Variants in FAM81A observed in about 807,000 individuals in gnomAD.
FAM81A encodes the protein family with sequence similarity 81 member A.
FAM81A carries 19 observed loss-of-function variants against 46.7 expected under a neutral mutation model. The observed-to-expected ratio is 0.41, with a 90% CI of 0.28 to 0.60. FAM81A has a LOEUF of 0.60. Among genes scored for constraint, FAM81A ranks in the 20% least tolerant of loss-of-function variants. FAM81A has a pLI of 0.34. For missense variants in FAM81A, 377 were observed against 453.5 expected, an observed-to-expected ratio of 0.83 and a Z score of 1.53; for synonymous variants, 183 against 152.9, an observed-to-expected ratio of 1.20 and a Z score of -1.45.
chr15:59,409,766 C>CT (rs1400862732), intron 2 of FAM81A, among the ~76,000 whole-genome samples: 1 of 152,122 alleles, frequency 6.6e-6, no homozygotes, highest in African/African-American at 2.4e-5. Context: ...GTTTTATCTG[C>CT]TTTTTTTCTC....
chr15:59,463,065 G>A (rs1439551659), intron 3 of FAM81A, among the ~76,000 whole-genome samples: 1 of 151,958 alleles, frequency 6.6e-6, no homozygotes, highest in Non-Finnish European at 1.5e-5. Context: ...TTCTTTTTGT[G>A]TTGCATCTTT....
chr15:59,507,357 A>C lies in FAM81A; in HGVS notation c.543+15A>C. 1 of 1,609,650 alleles carries C rather than the reference A, an allele frequency of 6.2e-7. No homozygotes were observed. The highest frequency in any genetic ancestry group is 8.5e-7 in the Non-Finnish European group (1 of 1,177,870). ...CAGAGGGACAGGTACGACCTGTTTCAGGTAGCTTTTAGAAGCGGGTAATTT... is the reference window on the plus strand; with the variant it reads ...CAGAGGGACAGGTACGACCTGTTTCCGGTAGCTTTTAGAAGCGGGTAATTT... On this transcript the variant is annotated intron_variant, in intron 5 of 8. Coordinates refer to ENST00000288228, the MANE Select transcript of FAM81A (RefSeq NM_152450.3).
At chr15:59,505,238 G>A (rs1406306220) in intron 4 of FAM81A, among the ~76,000 whole-genome samples, 3 of 152,100 alleles carry the variant, frequency 2.0e-5, no homozygotes, top group South Asian at 2.1e-4. Context: ...AGGGCTGGGC[G>A]CGGTGGCACA....
At chr15:59,418,317 GAGA>G (rs1328429824) in intron 2 of FAM81A, among the ~76,000 whole-genome samples, 2 of 152,176 alleles carry the variant, frequency 1.3e-5, no homozygotes, top group African/African-American at 2.4e-5. Flanking sequence ...ACCTTACGTG[GAGA>G]AGAAGTTCTT....
Position 59,481,458 on chromosome 15 carries a change from C to T in FAM81A, c.295-10813C>T, listed in dbSNP as rs1258729050. On this transcript the variant is annotated intron_variant, in intron 3 of 8. Transcript: ENST00000288228. ...GGACATACAAAAAAAAAGAATAAAC[C>T]ATAATTCCACCCTAGAGATAAGCAA... Among the ~76,000 whole-genome samples, 10 of 151,732 alleles carry T rather than the reference C, an allele frequency of 6.6e-5. No individual in the cohort carries two copies. The East Asian group carries it at 1.7e-3, about 26-fold the overall frequency.
At chr15:59,520,517 C>T (rs981902792) in intron 8 of FAM81A, among the ~76,000 whole-genome samples, 3 of 151,730 alleles carry the variant, frequency 2.0e-5, no homozygotes, top group Admixed American at 6.6e-5. Context: ...GAATACCAGC[C>T]AGCCAGCATT....
intron 6 of FAM81A, among the ~76,000 whole-genome samples, chr15:59,512,189 G>A (rs905521197): frequency 2.0e-5 from 3 of 151,978 alleles, no homozygotes; most frequent in Non-Finnish European, 4.4e-5. Flanking sequence ...TTAAAAATAT[G>A]CAATGCTGGC....
intron 3 of FAM81A, among the ~76,000 whole-genome samples, chr15:59,462,227 C>G (rs1218400458): frequency 1.3e-5 from 2 of 151,598 alleles, no homozygotes; most frequent in African/African-American, 4.8e-5. Flanking sequence ...AAAACATAGC[C>G]AAATAATTTT....
intron 4 of FAM81A, among the ~76,000 whole-genome samples, chr15:59,498,987 T>C (rs902882461): frequency 2.4e-4 from 36 of 152,202 alleles, no homozygotes; most frequent in African/African-American, 8.7e-4. Context: ...GATTTTTTTG[T>C]ATATGCTCTT....
intron 3 of FAM81A, among the ~76,000 whole-genome samples, chr15:59,462,159 T>C (rs2081559487): frequency 6.8e-6 from 1 of 146,610 alleles, no homozygotes; most frequent in Non-Finnish European, 1.5e-5. Flanking sequence ...GCCAAGACCA[T>C]GCCACTGCCC....
chr15:59,446,158 A>C (rs1160916591), intron 1 of FAM81A, among the ~76,000 whole-genome samples: 3 of 152,038 alleles, frequency 2.0e-5, no homozygotes, highest in African/African-American at 7.2e-5. Context: ...AGGTTCATGT[A>C]GGATGTGGTT....
In FAM81A at chr15:59,430,369, A is replaced by C. The variant is rs2081214703; in HGVS notation, c.-78+28011A>C. 2.1e-5 allele frequency among the ~76,000 whole-genome samples: 3 copies of C among 146,316 alleles called. No individual in the cohort carries two copies. The South Asian group carries it at 6.3e-4, about 31-fold the overall frequency. On this transcript the variant is annotated intron_variant, in intron 2 of 4. Transcript: ENST00000558348. ...AACCTCCGCCTCCCGGGTTCAAGCAATTCTCCTGCCTCAGCCTCCTGTGTA... is the reference window on the plus strand; with the variant it reads ...AACCTCCGCCTCCCGGGTTCAAGCACTTCTCCTGCCTCAGCCTCCTGTGTA...
intron 8 of FAM81A, among the ~76,000 whole-genome samples, chr15:59,517,391 G>T (rs1400944123): frequency 6.6e-6 from 1 of 152,138 alleles, no homozygotes; most frequent in Non-Finnish European, 1.5e-5. Context: ...TAAGTGGAAG[G>T]TACCCGAAGA....
chr15:59,421,729 G>GTCTATCTATCTATCTA (rs796163877), intron 2 of FAM81A, among the ~76,000 whole-genome samples: 7 of 128,870 alleles, frequency 5.4e-5, no homozygotes, highest in Admixed American at 1.5e-4. Context: ...CTGTCTGTCT[G>GTCTATCTATCTATCTA]TCTATCTATC....
At chr15:59,414,690 G>A (rs1367391479) in intron 2 of FAM81A, among the ~76,000 whole-genome samples, 2 of 152,182 alleles carry the variant, frequency 1.3e-5, no homozygotes, top group Non-Finnish European at 2.9e-5. Flanking sequence ...GGGGAATTAA[G>A]AGAAAGCCTC....
chr15:59,466,878 T>G (rs1354325779), intron 3 of FAM81A, among the ~76,000 whole-genome samples: 4 of 152,220 alleles, frequency 2.6e-5, no homozygotes, highest in African/African-American at 7.2e-5. Flanking sequence ...TGAATTAGTT[T>G]TTGTATAAGG....
At chr15:59,496,424 G>A (rs1050354416) in intron 4 of FAM81A, among the ~76,000 whole-genome samples, 5 of 152,048 alleles carry the variant, frequency 3.3e-5, no homozygotes. Context: ...GACCAATATG[G>A]TGAAACCCCG....
intron 3 of FAM81A, among the ~76,000 whole-genome samples, chr15:59,481,886 T>G (rs1396180341): frequency 1.3e-5 from 2 of 151,960 alleles, no homozygotes; most frequent in African/African-American, 4.8e-5. Context: ...TTTTTGATTT[T>G]TGATATATTT....
intron 2 of FAM81A, among the ~76,000 whole-genome samples, chr15:59,430,870 T>G (rs2081216860): frequency 6.6e-6 from 1 of 152,150 alleles, no homozygotes; most frequent in South Asian, 2.1e-4. Flanking sequence ...ATGGAATGAG[T>G]TAACCAGATT....
Sources: allele counts gnomAD v4.1 joint callset (sites outside exome capture counted in the v4.1 genomes callset), GRCh38; gene constraint gnomAD v4.1.1; transcripts MANE v1.5; gene names NCBI Gene and HGNC (gene_info 2026-07-23, HGNC 2026-07-21).